Variants in BBS9 observed in about 807,000 individuals in gnomAD.
The protein encoded by BBS9 is protein PTHB1.
A neutral mutation model predicts 117.7 loss-of-function variants in BBS9; 89 were observed. The ratio of observed to expected loss-of-function variants is 0.76; its 90% CI spans 0.64 to 0.90. The LOEUF is 0.90. Ranked by LOEUF, BBS9 falls within the 40% of genes least tolerant of loss-of-function variation. The probability of loss-of-function intolerance (pLI) is 0.00; values close to 1 mark genes in which losing one functional copy is unlikely to be tolerated. For synonymous variants in BBS9, 379 were observed against 370.9 expected, an observed-to-expected ratio of 1.02 and a Z score of -0.25; for missense variants, 982 against 1,042.2, an observed-to-expected ratio of 0.94 and a Z score of 0.80.
Position 33,553,160 on chromosome 7 carries a change from G to A in BBS9, c.2521+18984G>A, listed in dbSNP as rs547159507. 2.6e-5 allele frequency among the ~76,000 whole-genome samples: 4 copies of A among 152,316 alleles called. No individual in the cohort carries two copies. The South Asian group carries it at 8.3e-4, about 32-fold the overall frequency. On this transcript the variant is annotated intron_variant, in intron 21 of 22. Transcript: ENST00000242067. ...CTTAAAGATGGCTTTTCTGTAAGAT[G>A]TCTTCTGTGACCCCTATTATTCTCA...
chr7:33,267,066 T>G (rs190438010), intron 7 of BBS9, among the ~76,000 whole-genome samples: 31 of 152,220 alleles, frequency 2.0e-4, no homozygotes, highest in Admixed American at 1.5e-3. Context: ...ATTTATTTAT[T>G]TTTTGCTTCA....
chr7:33,439,599 G>T (rs2128893853), intron 19 of BBS9, among the ~76,000 whole-genome samples: 1 of 148,136 alleles, frequency 6.8e-6, no homozygotes, highest in South Asian at 2.1e-4. Context: ...CGCAGTCTTG[G>T]CTAACTGCAA....
intron 1 of BBS9, among the ~76,000 whole-genome samples, chr7:33,135,894 T>C (rs1790381057): frequency 6.6e-6 from 1 of 152,146 alleles, no homozygotes; most frequent in Non-Finnish European, 1.5e-5. Context: ...AGTTTTACAC[T>C]TCTTTTGTTA....
intron 5 of BBS9, among the ~76,000 whole-genome samples, chr7:33,232,127 T>G (rs1448770958): frequency 6.6e-6 from 1 of 152,184 alleles, no homozygotes; most frequent in East Asian, 1.9e-4. Context: ...GAACAAACCA[T>G]GAGAAGTCAT....
intron 5 of BBS9, among the ~76,000 whole-genome samples, chr7:33,199,150 A>G (rs1403348542): frequency 1.3e-5 from 2 of 152,000 alleles, no homozygotes. Flanking sequence ...AATTGGCTCC[A>G]TCATTCATCC....
intron 1 of BBS9, among the ~76,000 whole-genome samples, chr7:33,138,466 G>A (rs1002783286): frequency 1.3e-5 from 2 of 151,034 alleles, no homozygotes; most frequent in African/African-American, 2.4e-5. Flanking sequence ...ACTGTTTGGG[G>A]AGGATGAGAT....
intron 18 of BBS9, among the ~76,000 whole-genome samples, chr7:33,385,915 T>A (rs959137137): frequency 6.6e-6 from 1 of 152,120 alleles, no homozygotes; most frequent in Non-Finnish European, 1.5e-5. Context: ...TTTAATTAGC[T>A]ACTGAGTGCT....
chr7:33,213,529 C>T (rs947017540), intron 5 of BBS9, among the ~76,000 whole-genome samples: 1 of 152,164 alleles, frequency 6.6e-6, no homozygotes, highest in Non-Finnish European at 1.5e-5. Context: ...TTTACTTTTC[C>T]CTCTGCATTT....
At chr7:33,453,964 A>T (rs1417336218) in intron 19 of BBS9, among the ~76,000 whole-genome samples, 1 of 152,186 alleles carries the variant, frequency 6.6e-6, no homozygotes, top group African/African-American at 2.4e-5. Flanking sequence ...GGGAGTCAAA[A>T]GTTGTATATG....
intron 20 of BBS9, among the ~76,000 whole-genome samples, chr7:33,517,725 C>G (rs1281667111): frequency 6.6e-6 from 1 of 152,110 alleles, no homozygotes; most frequent in Non-Finnish European, 1.5e-5. Flanking sequence ...GGCCACATAT[C>G]TAGAAAATAA....
At chr7:33,192,380 A>G (rs1015315325) in intron 5 of BBS9, among the ~76,000 whole-genome samples, 3 of 152,232 alleles carry the variant, frequency 2.0e-5, no homozygotes, top group African/African-American at 7.2e-5. Context: ...CTAAATATTT[A>G]GTGATGATAC....
chr7:33,542,692 T>C (rs1443164108), intron 21 of BBS9, among the ~76,000 whole-genome samples: 2 of 84,286 alleles, frequency 2.4e-5, no homozygotes, highest in Non-Finnish European at 4.4e-5. Context: ...AGTATTCCAT[T>C]ATATATATGT....
chr7:33,335,893 G>A (rs1383891296), intron 9 of BBS9, among the ~76,000 whole-genome samples: 1 of 152,194 alleles, frequency 6.6e-6, no homozygotes, highest in South Asian at 2.1e-4. Context: ...GAATCCTAAG[G>A]GTAGAGAGGG....
intron 21 of BBS9, among the ~76,000 whole-genome samples, chr7:33,545,924 CTTTTTTTTTTTT>C (rs10537037): frequency 3.1e-5 from 2 of 64,580 alleles, no homozygotes; most frequent in African/African-American, 1.3e-4. Context: ...CTTTATAATC[CTTTTTTTTTTTT>C]TTTTTTTTTT....
At chr7:33,465,499 A>G (rs1272551447) in intron 19 of BBS9, among the ~76,000 whole-genome samples, 1 of 152,170 alleles carries the variant, frequency 6.6e-6, no homozygotes, top group Non-Finnish European at 1.5e-5. Flanking sequence ...TATATTAAAA[A>G]GATAAAATGA....
chr7:33,626,615 A>G (rs971394117), intron 21 of BBS9, among the ~76,000 whole-genome samples: 3 of 152,212 alleles, frequency 2.0e-5, no homozygotes, highest in Non-Finnish European at 4.4e-5. Flanking sequence ...TGAGGAACTT[A>G]TTGGGAACTG....
chr7:33,465,336 A>T (rs951801553), intron 19 of BBS9, among the ~76,000 whole-genome samples: 1 of 151,576 alleles, frequency 6.6e-6, no homozygotes, highest in African/African-American at 2.4e-5. Context: ...AAATTTCCCA[A>T]TGCAGATCTC....
At chr7:33,428,824 A>G (rs1241647164) in intron 19 of BBS9, among the ~76,000 whole-genome samples, 1 of 152,142 alleles carries the variant, frequency 6.6e-6, no homozygotes, top group African/African-American at 2.4e-5. Context: ...ACAGGCTACT[A>G]TGGTAGTTTT....
chr7:33,156,065 C>T (rs1794050873), intron 4 of BBS9, among the ~76,000 whole-genome samples: 1 of 152,134 alleles, frequency 6.6e-6, no homozygotes, highest in African/African-American at 2.4e-5. Flanking sequence ...GATGCTAAGT[C>T]ATAGTGGTTT....
Sources: gnomAD v4.1 joint callset for allele counts (sites outside exome capture counted in the v4.1 genomes callset) on GRCh38, gnomAD v4.1.1 for gene constraint, MANE v1.5 for transcripts, NCBI Gene and HGNC (gene_info 2026-07-23, HGNC 2026-07-21) for gene names.